Variants in PPP2R2B observed in about 807,000 individuals in gnomAD.
PPP2R2B encodes protein phosphatase 2 regulatory subunit Bbeta.
PPP2R2B carries 5 observed loss-of-function variants against 46.0 expected under a neutral mutation model. The ratio of observed to expected loss-of-function variants is 0.11; its 90% CI spans 0.06 to 0.23. The LOEUF (loss-of-function observed/expected upper bound fraction) is 0.23. PPP2R2B is among the 10% of genes least tolerant of loss of function. The pLI is 1.00. For missense variants in PPP2R2B, 367 were observed against 575.0 expected (o/e 0.64, Z 3.70); for synonymous variants, 215 against 206.7 (o/e 1.04, Z -0.34).
At chr5:146,792,810 G>C (rs1001056735) in intron 2 of PPP2R2B, among the ~76,000 whole-genome samples, 2 of 152,202 alleles carry the variant, frequency 1.3e-5, no homozygotes, top group Non-Finnish European at 2.9e-5. Context: ...AAAGCAGTAG[G>C]AAGTGAGGTT....
chr5:146,946,009 T>C (rs1243894352), intron 1 of PPP2R2B, among the ~76,000 whole-genome samples: 3 of 152,134 alleles, frequency 2.0e-5, no homozygotes, highest in South Asian at 4.1e-4. Flanking sequence ...GTGAGATTTG[T>C]TACATTTGGG....
chr5:146,706,476 A>T, intron 2 of PPP2R2B: 1 of 1,165,958 alleles, frequency 8.6e-7, no homozygotes, highest in South Asian at 1.2e-5. Flanking sequence ...CTCGATGTCC[A>T]GGGTCAGCTT....
chr5:146,663,588 T>C (rs150926436), intron 5 of PPP2R2B, among the ~76,000 whole-genome samples: 46 of 152,312 alleles, frequency 3.0e-4, no homozygotes, highest in African/African-American at 9.9e-4. Flanking sequence ...TCCCAGTGTA[T>C]ATAAAGTTAT....
At chr5:146,787,902 G>T (rs1174528310) in intron 2 of PPP2R2B, among the ~76,000 whole-genome samples, 2 of 152,102 alleles carry the variant, frequency 1.3e-5, no homozygotes, top group African/African-American at 4.8e-5. Context: ...ATCTTAACAG[G>T]TGTGATAATA....
chr5:146,838,015 G>A (rs1022681838), intron 2 of PPP2R2B, among the ~76,000 whole-genome samples: 5 of 152,188 alleles, frequency 3.3e-5, no homozygotes, highest in African/African-American at 9.7e-5. Flanking sequence ...TCCCTGGTAA[G>A]TAGGTTCTGT....
intron 2 of PPP2R2B, among the ~76,000 whole-genome samples, chr5:146,746,517 C>T (rs746818729): frequency 5.3e-5 from 8 of 152,156 alleles, no homozygotes; most frequent in Non-Finnish European, 8.8e-5. Flanking sequence ...ATGAGCAGAT[C>T]AATTTAGCTC....
At chr5:146,622,620 G>A (rs966184911) in intron 7 of PPP2R2B, among the ~76,000 whole-genome samples, 3 of 152,194 alleles carry the variant, frequency 2.0e-5, no homozygotes, top group Admixed American at 2.0e-4. Flanking sequence ...AGTAGGATTT[G>A]AAATTCTCTA....
chr5:146,969,828 T>C (rs1033038048), intron 1 of PPP2R2B, among the ~76,000 whole-genome samples: 8 of 152,206 alleles, frequency 5.3e-5, no homozygotes, highest in East Asian at 1.9e-4. Context: ...GGGGAACAGG[T>C]AATTAACCTG....
chr5:146,843,139 A>G (rs1156969006), intron 2 of PPP2R2B, among the ~76,000 whole-genome samples: 1 of 152,254 alleles, frequency 6.6e-6, no homozygotes, highest in East Asian at 1.9e-4. Flanking sequence ...GTGAGCCCAG[A>G]TCGTGCCATT....
intron 2 of PPP2R2B, among the ~76,000 whole-genome samples, chr5:146,851,856 G>A (rs1237062401): frequency 6.6e-6 from 1 of 151,904 alleles, no homozygotes; most frequent in Non-Finnish European, 1.5e-5. Context: ...ACAAGCAGTT[G>A]TTAGTGGTAC....
chr5:146,913,515 C>T (rs1763266490), intron 1 of PPP2R2B, among the ~76,000 whole-genome samples: 1 of 151,518 alleles, frequency 6.6e-6, no homozygotes, highest in African/African-American at 2.4e-5. Flanking sequence ...TATTTATATT[C>T]TAGGCCTCTT....
chr5:147,052,710 G>A (rs970640729), intron 1 of PPP2R2B, among the ~76,000 whole-genome samples: 3 of 152,106 alleles, frequency 2.0e-5, no homozygotes, highest in Non-Finnish European at 2.9e-5. Flanking sequence ...CAGGAGAGTC[G>A]GGCGGGGCTC....
At chr5:146,994,282 A>T (rs1377606140) in intron 1 of PPP2R2B, among the ~76,000 whole-genome samples, 1 of 152,126 alleles carries the variant, frequency 6.6e-6, no homozygotes, top group African/African-American at 2.4e-5. Context: ...AGAGGTAATA[A>T]CTTGCGTAAC....
At chr5:147,023,377 T>C (rs1755378381) in intron 1 of PPP2R2B, among the ~76,000 whole-genome samples, 1 of 151,912 alleles carries the variant, frequency 6.6e-6, no homozygotes. Flanking sequence ...GATGGATAAA[T>C]AGAGAAAATA....
intron 1 of PPP2R2B, among the ~76,000 whole-genome samples, chr5:146,976,511 G>A (rs1752912856): frequency 6.6e-6 from 1 of 152,040 alleles, no homozygotes; most frequent in Non-Finnish European, 1.5e-5. Context: ...ATGGTACAAA[G>A]GTAAGGGGGC....
intron 5 of PPP2R2B, among the ~76,000 whole-genome samples, chr5:146,651,912 G>A (rs1177672829): frequency 6.6e-6 from 1 of 152,104 alleles, no homozygotes; most frequent in East Asian, 1.9e-4. Flanking sequence ...CAGACTTGAG[G>A]GACTTTAACT....
At chr5:146,865,267 C>G (rs1761240739) in intron 2 of PPP2R2B, among the ~76,000 whole-genome samples, 1 of 148,828 alleles carries the variant, frequency 6.7e-6, no homozygotes, top group African/African-American at 2.5e-5. Flanking sequence ...TCCTAGCATT[C>G]TCCATTCATC....
At chr5:146,861,054 C>CTTTTTTTTTTTTTTTTTTTTTTTTTTT (rs1211197915) in intron 2 of PPP2R2B, among the ~76,000 whole-genome samples, 1 of 101,722 alleles carries the variant, frequency 9.8e-6, no homozygotes. Context: ...TGAATTTTTT[C>CTTTTTTTTTTTTTTTTTTTTTTTTTTT]TTTTTTTTTT....
intron 1 of PPP2R2B, among the ~76,000 whole-genome samples, chr5:147,008,591 G>T (rs1006591912): frequency 6.6e-6 from 1 of 152,060 alleles, no homozygotes; most frequent in African/African-American, 2.4e-5. Flanking sequence ...GGGCTTCCAT[G>T]CTTCTTCATA....
Sources: allele counts gnomAD v4.1 joint callset (sites outside exome capture counted in the v4.1 genomes callset), GRCh38; gene constraint gnomAD v4.1.1; transcripts MANE v1.5; gene names NCBI Gene and HGNC (gene_info 2026-07-23, HGNC 2026-07-21).